SUSD6: variants seen among roughly 807,000 people sequenced by gnomAD.
The protein encoded by SUSD6 is sushi domain containing 6.
In SUSD6, 16 loss-of-function variants were observed where a neutral mutation model predicts 28.4. The observed-to-expected ratio is 0.56, with a 90% CI of 0.38 to 0.86. The LOEUF is 0.86. Among genes scored for constraint, SUSD6 ranks in the 40% least tolerant of loss-of-function variants. SUSD6 has a pLI of 0.00. For missense variants in SUSD6, 341 were observed against 384.2 expected, an observed-to-expected ratio of 0.89 and a Z score of 0.94; for synonymous variants, 147 against 159.6, an observed-to-expected ratio of 0.92 and a Z score of 0.59.
intron 1 of SUSD6, among the ~76,000 whole-genome samples, chr14:69,647,791 C>A (rs1049049486): frequency 2.0e-5 from 3 of 152,108 alleles, no homozygotes; most frequent in African/African-American, 7.2e-5. Context: ...TTGAGACCAG[C>A]CTGGCCAACA....
intron 1 of SUSD6, among the ~76,000 whole-genome samples, chr14:69,648,077 G>A (rs533372685): frequency 1.3e-5 from 2 of 152,132 alleles, no homozygotes; most frequent in Non-Finnish European, 2.9e-5. Flanking sequence ...AGATGATGAT[G>A]ACAATAATAA....
chr14:69,708,467 T>C (rs1312452016), intron 4 of SUSD6, among the ~76,000 whole-genome samples: 1 of 152,192 alleles, frequency 6.6e-6, no homozygotes, highest in African/African-American at 2.4e-5. Flanking sequence ...GTTAATTAAC[T>C]TCTCTGAGCC....
chr14:69,614,163 G>T (rs113420218), intron 1 of SUSD6, among the ~76,000 whole-genome samples: 1 of 152,048 alleles, frequency 6.6e-6, no homozygotes, highest in Non-Finnish European at 1.5e-5. Flanking sequence ...CACCTCCCAG[G>T]TTCAAACGAT....
chr14:69,641,503 A>G (rs1215301554), intron 1 of SUSD6, among the ~76,000 whole-genome samples: 1 of 151,640 alleles, frequency 6.6e-6, no homozygotes, highest in Non-Finnish European at 1.5e-5. Context: ...TTTCTTCTGC[A>G]TTGTCTAATC....
intron 2 of SUSD6, among the ~76,000 whole-genome samples, chr14:69,661,171 G>A (rs1885655943): frequency 6.6e-6 from 1 of 152,140 alleles, no homozygotes; most frequent in Non-Finnish European, 1.5e-5. Context: ...TAAGGAAACT[G>A]CCCTGGCGTG....
chr14:69,704,862 G>C, intron 4 of SUSD6, 120 bp downstream of exon 4: 1 of 1,062,120 alleles, frequency 9.4e-7, no homozygotes, highest in Middle Eastern at 3.1e-4. Context: ...TGTCCAGGGA[G>C]TGGGGAGGGC....
At chr14:69,622,425 C>T (rs1428039897) in intron 1 of SUSD6, among the ~76,000 whole-genome samples, 1 of 152,148 alleles carries the variant, frequency 6.6e-6, no homozygotes, top group Non-Finnish European at 1.5e-5. Context: ...GCCTCAGCCT[C>T]CCAAAGTGCC....
intron 1 of SUSD6, among the ~76,000 whole-genome samples, chr14:69,613,287 G>A (rs1002905353): frequency 4.6e-5 from 7 of 151,948 alleles, no homozygotes; most frequent in African/African-American, 1.7e-4. Context: ...TAAATAACTC[G>A]CCCATGTCAC....
intron 2 of SUSD6, among the ~76,000 whole-genome samples, chr14:69,666,444 T>G (rs1313014311): frequency 6.6e-6 from 1 of 152,250 alleles, no homozygotes; most frequent in African/African-American, 2.4e-5. Context: ...GGATCTGTTC[T>G]TTTAAAGACA....
chr14:69,661,296 C>G (rs1211424212), intron 2 of SUSD6, among the ~76,000 whole-genome samples: 1 of 152,168 alleles, frequency 6.6e-6, no homozygotes, highest in African/African-American at 2.4e-5. Flanking sequence ...CCTCATTTTC[C>G]AACTACCCAC....
chr14:69,691,614 C>T (rs1027973887), intron 2 of SUSD6, among the ~76,000 whole-genome samples: 2 of 152,200 alleles, frequency 1.3e-5, no homozygotes, highest in Non-Finnish European at 2.9e-5. Context: ...CTGTTTATTT[C>T]AGGCTTTGGC....
chr14:69,650,794 A>G (rs551543217), intron 1 of SUSD6, among the ~76,000 whole-genome samples: 94 of 152,134 alleles, frequency 6.2e-4, no homozygotes, highest in Non-Finnish European at 3.1e-4. Flanking sequence ...TTATTTTTTG[A>G]AAGCATTTTA....
rs1886341712 is a variant in SUSD6, at chr14:69,703,496, G to A, written c.223G>A (p.Ala75Thr). 2 of 1,614,216 alleles carry A rather than the reference G, an allele frequency of 1.2e-6. No homozygotes were observed. The highest frequency in any genetic ancestry group is 1.7e-6 in the Non-Finnish European group (2 of 1,180,036). Residue 75 changes from alanine (A) to threonine (T), a missense_variant, in exon 3 of 6, where the codon GCT (alanine) becomes ACT (threonine). By Grantham distance (58) the Ala-to-Thr change is moderately conservative. Coordinates refer to ENST00000342745, the MANE Select transcript of SUSD6 (RefSeq NM_014734.4). Reference protein sequence around the residue: ...TAGSVIEYLCAEGYMLKGDYK... With the variant: ...TAGSVIEYLCTEGYMLKGDYK... ...AGGCAGTGTCATCGAATACCTGTGT[G>A]CTGAAGGCTACATGTTGAAGGGCGA...
At chr14:69,691,512 T>C (rs74060281) in intron 2 of SUSD6, among the ~76,000 whole-genome samples, 2,395 of 152,278 alleles carry the variant, frequency 0.016, 70 homozygotes, top group African/African-American at 0.055. Flanking sequence ...TCTTTGCGGT[T>C]GTCTAGGCCT....
At chr14:69,671,361 A>G (rs1208370680) in intron 2 of SUSD6, among the ~76,000 whole-genome samples, 1 of 152,182 alleles carries the variant, frequency 6.6e-6, no homozygotes, top group Non-Finnish European at 1.5e-5. Context: ...TGGGACAGGA[A>G]GTGATGGGCT....
intron 1 of SUSD6, among the ~76,000 whole-genome samples, chr14:69,648,886 TC>T (rs376037360): frequency 4.3e-4 from 66 of 152,324 alleles, no homozygotes; most frequent in African/African-American, 1.3e-3. Flanking sequence ...AAGTTTTTTT[TC>T]CCTCCTCTCT....
chr14:69,665,953 T>C (rs1885733678), intron 2 of SUSD6, among the ~76,000 whole-genome samples: 1 of 152,234 alleles, frequency 6.6e-6, no homozygotes, highest in Admixed American at 6.5e-5. Flanking sequence ...ATGTAAGGCA[T>C]TTGGAACATT....
chr14:69,685,805 A>G (rs567900418), intron 2 of SUSD6, among the ~76,000 whole-genome samples: 1 of 152,332 alleles, frequency 6.6e-6, no homozygotes, highest in South Asian at 2.1e-4. Context: ...GCTTTTAAAC[A>G]TTTGTCATGG....
chr14:69,659,991 A>G (rs1048748714), intron 2 of SUSD6, among the ~76,000 whole-genome samples: 4 of 152,204 alleles, frequency 2.6e-5, no homozygotes, highest in African/African-American at 7.2e-5. Context: ...TCTACACTCC[A>G]GAATCATCAT....
Sources: gnomAD v4.1 joint callset for allele counts (sites outside exome capture counted in the v4.1 genomes callset) on GRCh38, gnomAD v4.1.1 for gene constraint, MANE v1.5 for transcripts, NCBI Gene and HGNC (gene_info 2026-07-23, HGNC 2026-07-21) for gene names.